ARF4: variants seen among roughly 807,000 people sequenced by gnomAD.
ARF4 encodes the protein ARF GTPase 4, also known as ADP-ribosylation factor 4.
In ARF4, 5 loss-of-function variants were observed where a neutral mutation model predicts 24.3. The observed-to-expected ratio is 0.21, with a 90% CI of 0.11 to 0.43. The LOEUF is 0.43. ARF4 is among the 20% of genes least tolerant of loss of function. The pLI, the probability that ARF4 is intolerant of heterozygous loss-of-function variation, is 1.00. For synonymous variants in ARF4, 62 were observed against 73.5 expected (o/e 0.84, Z 0.80); for missense variants, 107 against 213.0 (o/e 0.50, Z 3.10).
intron 3 of ARF4, among the ~76,000 whole-genome samples, chr3:57,579,421 G>A (rs1180010573): frequency 6.6e-6 from 1 of 151,806 alleles, no homozygotes; most frequent in African/African-American, 2.4e-5. Flanking sequence ...CTGAGTAGCT[G>A]AGATTACAGG....
chr3:57,590,132 T>TA (rs1553731290), intron 1 of ARF4, among the ~76,000 whole-genome samples: 1 of 136,226 alleles, frequency 7.3e-6, no homozygotes, highest in African/African-American at 2.7e-5. Context: ...AATAAATAAA[T>TA]AAAACAAAAA....
intron 1 of ARF4, 131 bp from the exon 2 acceptor site, chr3:57,584,595 A>G (rs992373982): frequency 9.2e-6 from 7 of 763,904 alleles, no homozygotes; most frequent in Admixed American, 8.1e-5. Context: ...TAGAAATGAA[A>G]TGACCTTATT....
chr3:57,590,089 C>CAATGAATA (rs369725657), intron 1 of ARF4, among the ~76,000 whole-genome samples: 7 of 135,164 alleles, frequency 5.2e-5, no homozygotes, highest in Admixed American at 1.5e-4. Flanking sequence ...GACTCTGTCT[C>CAATGAATA]AATAAATAAA....
chr3:57,574,720 G>A (rs2069882281), intron 5 of ARF4, among the ~76,000 whole-genome samples: 1 of 151,972 alleles, frequency 6.6e-6, no homozygotes, highest in Non-Finnish European at 1.5e-5. Context: ...TCCATAAACT[G>A]TTATGTTAAC....
At chr3:57,596,054 G>A (rs1265547434) in intron 1 of ARF4, among the ~76,000 whole-genome samples, 1 of 152,106 alleles carries the variant, frequency 6.6e-6, no homozygotes, top group Admixed American at 6.6e-5. Flanking sequence ...TTCTTTCAGC[G>A]TTATTCTAGT....
chr3:57,583,139 C>A (rs111553139), intron 3 of ARF4, among the ~76,000 whole-genome samples: 4 of 152,286 alleles, frequency 2.6e-5, no homozygotes, highest in African/African-American at 9.6e-5. Context: ...GATACCAGAC[C>A]AGTAGTATCA....
chr3:57,591,627 C>T (rs1575788671), intron 1 of ARF4, among the ~76,000 whole-genome samples: 1 of 152,038 alleles, frequency 6.6e-6, no homozygotes, highest in South Asian at 2.1e-4. Flanking sequence ...CCACCACACC[C>T]GGCTAATTTT....
At chr3:57,592,306 T>C (rs1447942499) in intron 1 of ARF4, among the ~76,000 whole-genome samples, 1 of 152,032 alleles carries the variant, frequency 6.6e-6, no homozygotes, top group Non-Finnish European at 1.5e-5. Flanking sequence ...TTGACCAATA[T>C]GGTGAAACCC....
intron 5 of ARF4, among the ~76,000 whole-genome samples, chr3:57,573,219 A>G (rs907443579): frequency 4.0e-5 from 6 of 151,776 alleles, no homozygotes; most frequent in African/African-American, 7.3e-5. Context: ...AAAAAAAGAA[A>G]GAAAGAAAGA....
intron 4 of ARF4, among the ~76,000 whole-genome samples, chr3:57,576,641 A>G (rs2069907103): frequency 6.6e-6 from 1 of 152,014 alleles, no homozygotes; most frequent in Non-Finnish European, 1.5e-5. Context: ...AGGAATGAAC[A>G]AGAATTAAGA....
At chr3:57,591,897 G>T (rs2070121013) in intron 1 of ARF4, among the ~76,000 whole-genome samples, 1 of 152,188 alleles carries the variant, frequency 6.6e-6, no homozygotes, top group Non-Finnish European at 1.5e-5. Context: ...TACGGGCTGG[G>T]AAGAAAGGGG....
At position 57,583,916 on chromosome 3, in the gene ARF4, A is replaced by G; in HGVS notation, c.240T>C (p.His80=). ...GQDRIRPLWK[H]YFQNTQGLIF... ...CCCTTACCTGGGTATTCTGGAAGTAATGCTTCCAGAGAGGCCTAATTCTAT... is the reference window on the plus strand; with the variant it reads ...CCCTTACCTGGGTATTCTGGAAGTAGTGCTTCCAGAGAGGCCTAATTCTAT... The change falls in exon 3 of 6, where the codon CAT becomes CAC. Residue 80 remains histidine (H), a synonymous_variant. Coordinates refer to ENST00000303436, the MANE Select transcript of ARF4 (RefSeq NM_001660.4). 6 of 1,599,256 alleles carry G rather than the reference A, an allele frequency of 3.8e-6. No individual in the cohort carries two copies. Among genetic ancestry groups the G allele is most frequent in the Non-Finnish European group, 5.1e-6 (6 of 1,168,430 alleles).
At position 57,572,138 on chromosome 3, in the gene ARF4, T is replaced by C. The variant is rs1559781515; in HGVS notation, c.*74A>G. ...CCCAGATACTGTTTAATAACCAAGA[T>C]ACAAACTAATTTTGTTGTAACAAGC... On this transcript the variant is annotated 3_prime_UTR_variant, in exon 6 of 6. Transcript: ENST00000303436. The C allele has an allele frequency of 1.7e-6, 2 of 1,190,746 alleles. No individual in the cohort carries two copies. Among genetic ancestry groups the C allele is most frequent in the Middle Eastern group, 2.5e-4 (1 of 4,038 alleles). 73.8% of individuals were successfully genotyped at this position (1,190,746 alleles called of 1,614,324 possible). A position where few individuals can be genotyped will look rare whatever the true frequency, so the allele number is the denominator to read the frequency against.
At chr3:57,583,175 T>C (rs1424961886) in intron 3 of ARF4, among the ~76,000 whole-genome samples, 1 of 152,214 alleles carries the variant, frequency 6.6e-6, no homozygotes, top group African/African-American at 2.4e-5. Context: ...TTGCTAGAAA[T>C]ACAGAATCTC....
chr3:57,597,029 C>A (rs752766437), intron 1 of ARF4, 45 bp downstream of exon 1: 1 of 1,599,712 alleles, frequency 6.3e-7, no homozygotes, highest in Non-Finnish European at 8.6e-7. Flanking sequence ...ATTGTGGAGA[C>A]CCTGCCTTTC....
chr3:57,573,898 A>G (rs1343954899), intron 5 of ARF4, among the ~76,000 whole-genome samples: 1 of 150,456 alleles, frequency 6.6e-6, no homozygotes, highest in African/African-American at 2.4e-5. Flanking sequence ...ATGTTCTTCA[A>G]ATCAGCCTGA....
intron 1 of ARF4, among the ~76,000 whole-genome samples, chr3:57,591,471 C>CT (rs368262212): frequency 0.17 from 23,739 of 142,050 alleles, 2,076 homozygotes; most frequent in South Asian, 0.23. Context: ...CTTTTCTTTT[C>CT]TTTTTTTTTT....
Position 57,577,391 on chromosome 3 carries a change from G to A in ARF4, c.259-4C>T, listed in dbSNP as rs759136910. The A allele has an allele frequency of 7.5e-6, 12 of 1,606,752 alleles. No homozygotes were observed. The East Asian group carries it at 1.8e-4, about 25-fold the overall frequency. On this transcript the variant is annotated splice_region_variant and splice_polypyrimidine_tract_variant and intron_variant, in intron 3 of 5. Coordinates refer to ENST00000303436, the MANE Select transcript of ARF4 (RefSeq NM_001660.4). Reference sequence around the variant, plus strand: ...TATCTACCACAAAAATAAGACCCTGGGGAAAAATTGTTTCAGTAAATTTTA... The same window carrying A: ...TATCTACCACAAAAATAAGACCCTGAGGAAAAATTGTTTCAGTAAATTTTA...
intron 1 of ARF4, among the ~76,000 whole-genome samples, chr3:57,590,132 T>TAAATAAATAAATAAATAAAA (rs1345672681): frequency 7.3e-6 from 1 of 136,226 alleles, no homozygotes; most frequent in Non-Finnish European, 1.6e-5. Flanking sequence ...AATAAATAAA[T>TAAATAAATAAATAAATAAAA]AAAACAAAAA....
Sources: allele counts gnomAD v4.1 joint callset (sites outside exome capture counted in the v4.1 genomes callset), GRCh38; gene constraint gnomAD v4.1.1; transcripts MANE v1.5; gene names NCBI Gene and HGNC (gene_info 2026-07-23, HGNC 2026-07-21).